The following LINGO2 variants were observed in gnomAD, a reference collection of about 807,000 sequenced individuals.
LINGO2 encodes leucine-rich repeat and immunoglobulin-like domain-containing nogo receptor-interacting protein 2.
Under a neutral mutation model 30.6 loss-of-function variants are expected in LINGO2, and 14 were observed. The ratio of observed to expected loss-of-function variants is 0.46; its 90% CI spans 0.30 to 0.72. LINGO2 has a LOEUF of 0.72. Among genes scored for constraint, LINGO2 ranks in the 30% least tolerant of loss-of-function variants. The probability of loss-of-function intolerance (pLI) is 0.07; values close to 1 mark genes in which losing one functional copy is unlikely to be tolerated. For synonymous variants in LINGO2, 317 were observed against 288.5 expected, an observed-to-expected ratio of 1.10 and a Z score of -1.00; for missense variants, 729 against 751.7, an observed-to-expected ratio of 0.97 and a Z score of 0.35.
exon 6 of LINGO2, chr9:27,949,747 G>C (rs533601561): frequency 6.2e-7 from 1 of 1,614,176 alleles, no homozygotes; most frequent in Non-Finnish European, 8.5e-7. Context: ...ATGGTGCGAA[G>C]CTGGGCCCCC....
chr9:28,070,120 C>A (rs1563957204), intron 4 of LINGO2, among the ~76,000 whole-genome samples: 1 of 152,164 alleles, frequency 6.6e-6, no homozygotes, highest in Non-Finnish European at 1.5e-5. Context: ...TACTCCAGAT[C>A]CTCTAACTCA....
At chr9:29,115,695 A>G in the LINGO2 span, among the ~76,000 whole-genome samples, 5 of 152,018 alleles carry the variant, frequency 3.3e-5, no homozygotes, top group Admixed American at 1.3e-4. Flanking sequence ...CTATCATTAC[A>G]TTTAAAAGTA....
At chr9:28,075,674 A>G (rs1004313178) in intron 4 of LINGO2, among the ~76,000 whole-genome samples, 8 of 151,898 alleles carry the variant, frequency 5.3e-5, no homozygotes, top group African/African-American at 1.9e-4. Flanking sequence ...TATCTTTTCA[A>G]TATTTCTTGT....
chr9:28,469,928 G>C (rs975691396), intron 2 of LINGO2, among the ~76,000 whole-genome samples: 1 of 152,014 alleles, frequency 6.6e-6, no homozygotes, highest in African/African-American at 2.4e-5. Flanking sequence ...ACAGAAATAA[G>C]AGTATTATTG....
intron 1 of LINGO2, among the ~76,000 whole-genome samples, chr9:28,580,262 A>G (rs1824194345): frequency 6.6e-6 from 1 of 152,090 alleles, no homozygotes; most frequent in South Asian, 2.1e-4. Flanking sequence ...CAAAACTTGT[A>G]TAATTTTAGT....
intron 3 of LINGO2, among the ~76,000 whole-genome samples, chr9:28,318,395 T>C (rs10812779): frequency 0.23 from 35,185 of 152,084 alleles, 4,608 homozygotes; most frequent in Non-Finnish European, 0.3. Context: ...AATTTCTGTT[T>C]GGGAGAAGAA....
At chr9:28,339,314 T>C (rs541192532) in intron 3 of LINGO2, among the ~76,000 whole-genome samples, 33 of 152,184 alleles carry the variant, frequency 2.2e-4, no homozygotes, top group Non-Finnish European at 4.3e-4. Context: ...TTCAGTTCAT[T>C]ATCCATTTTA....
chr9:28,072,709 A>AT (rs1481721116), intron 4 of LINGO2, among the ~76,000 whole-genome samples: 2 of 152,076 alleles, frequency 1.3e-5, no homozygotes, highest in African/African-American at 4.8e-5. Context: ...AATATCTGTT[A>AT]TTTCATCTGT....
the LINGO2 span, among the ~76,000 whole-genome samples, chr9:28,872,104 A>G: frequency 2.6e-5 from 4 of 152,036 alleles, no homozygotes; most frequent in Admixed American, 1.3e-4. Flanking sequence ...AAAATCACAG[A>G]ACCATAAAAC....
intron 5 of LINGO2, among the ~76,000 whole-genome samples, chr9:27,952,706 G>C (rs1458653117): frequency 6.6e-6 from 1 of 152,040 alleles, no homozygotes; most frequent in African/African-American, 2.4e-5. Context: ...TTGATATTTT[G>C]TGGGAAAATT....
At chr9:28,141,268 A>C (rs1439608933) in intron 4 of LINGO2, among the ~76,000 whole-genome samples, 1 of 152,180 alleles carries the variant, frequency 6.6e-6, no homozygotes, top group Non-Finnish European at 1.5e-5. Flanking sequence ...CCTTTACCAA[A>C]TACTACACTC....
the LINGO2 span, among the ~76,000 whole-genome samples, chr9:28,734,189 A>C: frequency 1.3e-5 from 2 of 152,174 alleles, no homozygotes; most frequent in Non-Finnish European, 2.9e-5. Flanking sequence ...GGGTTATGTG[A>C]ACACAAGCAC....
intron 4 of LINGO2, among the ~76,000 whole-genome samples, chr9:28,197,165 C>A (rs936120301): frequency 6.6e-6 from 1 of 151,796 alleles, no homozygotes; most frequent in African/African-American, 2.4e-5. Flanking sequence ...TCACATGTAG[C>A]CCATGAATAC....
chr9:28,508,824 T>C (rs1002795036), intron 1 of LINGO2, among the ~76,000 whole-genome samples: 4 of 152,074 alleles, frequency 2.6e-5, no homozygotes, highest in Non-Finnish European at 4.4e-5. Flanking sequence ...TCTCCCTACC[T>C]TTGATGATTT....
At chr9:28,447,352 G>C (rs1824461753) in intron 2 of LINGO2, among the ~76,000 whole-genome samples, 1 of 152,140 alleles carries the variant, frequency 6.6e-6, no homozygotes, top group African/African-American at 2.4e-5. Context: ...TAGCTTGTTT[G>C]CCCTTCCACC....
chr9:28,815,846 C>G, the LINGO2 span, among the ~76,000 whole-genome samples: 2 of 152,200 alleles, frequency 1.3e-5, no homozygotes, highest in African/African-American at 4.8e-5. Context: ...ATTAAATCCC[C>G]ACCTTAGTCT....
At chr9:28,683,110 T>C in the LINGO2 span, among the ~76,000 whole-genome samples, 1 of 152,152 alleles carries the variant, frequency 6.6e-6, no homozygotes, top group South Asian at 2.1e-4. Flanking sequence ...TATTTTTTGC[T>C]TGTATTTATA....
chr9:29,066,299 A>G, the LINGO2 span, among the ~76,000 whole-genome samples: 27 of 152,118 alleles, frequency 1.8e-4, no homozygotes, highest in South Asian at 5.4e-3. Context: ...CAAGAGAAGA[A>G]TGTGGAAAAT....
At chr9:29,184,963 A>T in the LINGO2 span, among the ~76,000 whole-genome samples, 1 of 152,156 alleles carries the variant, frequency 6.6e-6, no homozygotes, top group African/African-American at 2.4e-5. Flanking sequence ...CCCAAAACAC[A>T]GTGATTAAAA....
Sources: allele counts gnomAD v4.1 joint callset (sites outside exome capture counted in the v4.1 genomes callset), GRCh38; gene constraint gnomAD v4.1.1; transcripts MANE v1.5; gene names NCBI Gene and HGNC (gene_info 2026-07-23, HGNC 2026-07-21).